The following KCNK13 variants were observed in gnomAD, a reference collection of about 807,000 sequenced individuals.
KCNK13 encodes the protein potassium two pore domain channel subfamily K member 13.
KCNK13 carries 12 observed loss-of-function variants against 23.4 expected under a neutral mutation model. That is an observed-to-expected ratio of 0.51 (90% CI 0.33 to 0.83). The LOEUF (loss-of-function observed/expected upper bound fraction) is 0.83. Among genes scored for constraint, KCNK13 ranks in the 40% least tolerant of loss-of-function variants. The pLI is 0.02. For synonymous variants in KCNK13, 231 were observed against 229.5 expected, an observed-to-expected ratio of 1.01 and a Z score of -0.06; for missense variants, 463 against 556.3, an observed-to-expected ratio of 0.83 and a Z score of 1.69.
chr14:90,120,632 C>T (rs1159397486), intron 1 of KCNK13, among the ~76,000 whole-genome samples: 1 of 152,120 alleles, frequency 6.6e-6, no homozygotes, highest in Non-Finnish European at 1.5e-5. Flanking sequence ...GCAACTGCCC[C>T]GCATGATTCA....
At chr14:90,066,848 G>A (rs1054119791) in intron 1 of KCNK13, among the ~76,000 whole-genome samples, 1 of 152,110 alleles carries the variant, frequency 6.6e-6, no homozygotes, top group African/African-American at 2.4e-5. Context: ...GATTCAAACA[G>A]ATATTTGTAC....
intron 1 of KCNK13, among the ~76,000 whole-genome samples, chr14:90,068,934 G>A (rs752012226): frequency 1.8e-4 from 27 of 152,002 alleles, no homozygotes; most frequent in Non-Finnish European, 2.2e-4. Flanking sequence ...GGCTCAGGCT[G>A]AGAAGATGAC....
Position 90,165,099 on chromosome 14 carries a change from G to A in KCNK13, c.335-19012G>A, listed in dbSNP as rs373940766. Among the ~76,000 whole-genome samples the A allele has an allele frequency of 1.2e-4, 19 of 152,122 alleles. 1 individual carries two copies. The highest frequency in any genetic ancestry group is 3.3e-4 in the Admixed American group (5 of 15,268). On this transcript the variant is annotated intron_variant, in intron 1 of 1. Coordinates refer to ENST00000282146, the MANE Select transcript of KCNK13 (RefSeq NM_022054.4). The stretch of plus-strand genomic sequence containing the variant: ...AGAGAGCTTGTGCAGGGAAACTCCC[G>A]TTTTTAAAACCATCAGATCTCGTGA...
At chr14:90,145,059 T>TG (rs1890057671) in intron 1 of KCNK13, among the ~76,000 whole-genome samples, 1 of 152,228 alleles carries the variant, frequency 6.6e-6, no homozygotes, top group South Asian at 2.1e-4. Context: ...AGTGATTACA[T>TG]GGGGTTTTTT....
chr14:90,166,288 G>A (rs1284155950), intron 1 of KCNK13, among the ~76,000 whole-genome samples: 3 of 152,196 alleles, frequency 2.0e-5, no homozygotes, highest in Non-Finnish European at 4.4e-5. Flanking sequence ...AGCGGTAACC[G>A]CTGCAAAATG....
intron 1 of KCNK13, among the ~76,000 whole-genome samples, chr14:90,077,117 C>CTTTTT (rs373759289): frequency 6.5e-5 from 6 of 92,322 alleles, no homozygotes; most frequent in South Asian, 4.1e-4. Context: ...CCGCACCTGG[C>CTTTTT]TTTTTTTTTT....
chr14:90,107,716 G>A (rs1196626162), intron 1 of KCNK13: 5 of 773,256 alleles, frequency 6.5e-6, no homozygotes, highest in African/African-American at 1.7e-5. Context: ...AGCCTGGGAA[G>A]GTGGTTGTGT....
chr14:90,114,877 G>A (rs1275898870), intron 1 of KCNK13, among the ~76,000 whole-genome samples: 6 of 152,182 alleles, frequency 3.9e-5, no homozygotes, highest in South Asian at 4.1e-4. Context: ...TAGCAGCCTC[G>A]CAGTGTGGGT....
Position 90,107,275 on chromosome 14 carries a change from T to G in KCNK13, c.334+44736T>G, listed in dbSNP as rs144046296. Among the ~76,000 whole-genome samples, 529 of 152,104 alleles carry G rather than the reference T, an allele frequency of 3.5e-3. 13 individuals carry two copies. Among genetic ancestry groups the G allele is most frequent in the Admixed American group, 0.028 (425 of 15,280 alleles). On this transcript the variant is annotated intron_variant, in intron 1 of 1. Coordinates refer to ENST00000282146, the MANE Select transcript of KCNK13 (RefSeq NM_022054.4). ...TGGGCAGATCACGAGGTCAGGAGAT[T>G]GAGACCATCCTGGCTAACATGGTGA... is the stretch of plus-strand genomic sequence containing the variant.
Position 90,184,743 on chromosome 14 carries a change from T to G in KCNK13, c.967T>G (p.Cys323Gly), listed in dbSNP as rs779032143. ...GATGCCAGGCAGCGTCCGGAACCGC[T>G]GCAACATCTCCATAGAGACAGACGG... ...VVMPGSVRNR[C>G]NISIETDGVA... Residue 323 changes from cysteine (C) to glycine (G), a missense_variant, in exon 2 of 2, where the codon TGC becomes GGC. This residue lies in a region of KCNK13 where 166 missense variants were observed against 178.8 expected (regional missense o/e 0.93). Coordinates refer to ENST00000282146, the MANE Select transcript of KCNK13 (RefSeq NM_022054.4). The surrounding 1 kb of genome is among the most constrained non-coding windows in gnomAD (Gnocchi z 5.6). 4.0e-5 allele frequency: 64 copies of G among 1,614,146 alleles called. 1 individual carries two copies. In the South Asian group the frequency reaches 6.8e-4, roughly 17 times the overall value.
chr14:90,141,802 G>GA lies in KCNK13; in HGVS notation c.335-42309_335-42308insA, dbSNP rs1478199727. 1.6e-4 allele frequency among the ~76,000 whole-genome samples: 23 copies of GA among 146,826 alleles called. 2 individuals are homozygous for GA. Among genetic ancestry groups the GA allele is most frequent in the Admixed American group, 8.8e-4 (13 of 14,690 alleles). ...TGTTTTGTTTTGTTTTTTGGGGGGGGGGACGGAGCCTTGCTCTGTCACCCA... is the reference window on the plus strand; with the variant it reads ...TGTTTTGTTTTGTTTTTTGGGGGGGGAGGACGGAGCCTTGCTCTGTCACCCA... On this transcript the variant is annotated intron_variant, in intron 1 of 1. Coordinates refer to ENST00000282146, the MANE Select transcript of KCNK13 (RefSeq NM_022054.4).
rs182028030 is a variant in KCNK13, at chr14:90,185,825, G to A, written c.*822G>A. On this transcript the variant is annotated 3_prime_UTR_variant, in exon 2 of 2. Coordinates refer to ENST00000282146, the MANE Select transcript of KCNK13 (RefSeq NM_022054.4). ...AAGATGATGACTATTTAATAAAATG[G>A]AAAATTTAATAAATCCTCATTTTAT... is the stretch of plus-strand genomic sequence containing the variant. The A allele has an allele frequency of 1.3e-3, 202 of 152,258 alleles. No individual in the cohort carries two copies. Among genetic ancestry groups the A allele is most frequent in the Non-Finnish European group, 2.7e-3 (183 of 68,028 alleles). The allele number at this position is 152,258 out of a possible 1,614,324, so 9.4% of individuals were successfully genotyped here. A position where few individuals can be genotyped will look rare whatever the true frequency, so the allele number is the denominator to read the frequency against.
intron 1 of KCNK13, among the ~76,000 whole-genome samples, chr14:90,136,787 C>T (rs2140425715): frequency 1.3e-5 from 2 of 152,222 alleles, no homozygotes; most frequent in East Asian, 3.9e-4. Flanking sequence ...GTGCTCCATT[C>T]CTCCCGCCCC....
At chr14:90,183,893 C>T (rs1890514655) in intron 1 of KCNK13, among the ~76,000 whole-genome samples, 1 of 152,138 alleles carries the variant, frequency 6.6e-6, no homozygotes, top group Non-Finnish European at 1.5e-5. Flanking sequence ...TCCTGATTTG[C>T]ACAATAGCAC....
chr14:90,093,650 T>C (rs1889374888), intron 1 of KCNK13, among the ~76,000 whole-genome samples: 1 of 151,988 alleles, frequency 6.6e-6, no homozygotes, highest in African/African-American at 2.4e-5. Flanking sequence ...CAGATGGTGG[T>C]TGGGGTTATT....
chr14:90,092,415 A>T (rs1889359418), intron 1 of KCNK13, among the ~76,000 whole-genome samples: 1 of 152,180 alleles, frequency 6.6e-6, no homozygotes, highest in African/African-American at 2.4e-5. Context: ...TCATGGGGAA[A>T]ATGTAGGTTA....
At chr14:90,078,717 G>C (rs1473585377) in intron 1 of KCNK13, among the ~76,000 whole-genome samples, 2 of 152,248 alleles carry the variant, frequency 1.3e-5, no homozygotes, top group South Asian at 4.1e-4. Flanking sequence ...AATGGGTGAA[G>C]ACCGAGCTCC....
intron 1 of KCNK13, among the ~76,000 whole-genome samples, chr14:90,109,193 ATCCCT>A (rs1314531710): frequency 6.6e-6 from 1 of 151,624 alleles, no homozygotes; most frequent in Non-Finnish European, 1.5e-5. Context: ...AAAAAAAAGA[ATCCCT>A]TATGAAGTTT....
intron 1 of KCNK13, among the ~76,000 whole-genome samples, chr14:90,122,741 A>G (rs1889754045): frequency 6.6e-6 from 1 of 152,196 alleles, no homozygotes; most frequent in Admixed American, 6.6e-5. Flanking sequence ...CTTGGAGGAG[A>G]CCAAAGGTAT....
Sources: allele counts gnomAD v4.1 joint callset (sites outside exome capture counted in the v4.1 genomes callset), GRCh38; gene constraint gnomAD v4.1.1; regional missense constraint gnomAD v4.1.1; non-coding constraint Gnocchi (gnomAD v3.1); transcripts MANE v1.5; gene names NCBI Gene and HGNC (gene_info 2026-07-23, HGNC 2026-07-21).